PIEZO2: variants seen among roughly 807,000 people sequenced by gnomAD.
The protein encoded by PIEZO2 is piezo type mechanosensitive ion channel component 2.
Under a neutral mutation model 337.3 loss-of-function variants are expected in PIEZO2, and 172 were observed. The observed-to-expected ratio is 0.51, with a 90% CI of 0.45 to 0.58. The LOEUF is 0.58. Ranked by LOEUF, PIEZO2 falls within the 20% of genes least tolerant of loss-of-function variation. The pLI is 0.00. For missense variants in PIEZO2, 3,028 were observed against 3,391.3 expected, an observed-to-expected ratio of 0.89 and a Z score of 2.66; for synonymous variants, 1,251 against 1,228.5, an observed-to-expected ratio of 1.02 and a Z score of -0.38.
In PIEZO2 at chr18:10,681,645, A is replaced by G; in HGVS notation, c.7779+16T>C. ...TGAGAGGTCTTCACAGAAATCTACTATAGGGATTTACTTACGGTGTCCCTA... is the reference window on the plus strand; with the variant it reads ...TGAGAGGTCTTCACAGAAATCTACTGTAGGGATTTACTTACGGTGTCCCTA... On this transcript the variant is annotated intron_variant, in intron 51 of 55. Transcript: ENST00000674853. 1 of 1,543,478 alleles carries G rather than the reference A, an allele frequency of 6.5e-7. No homozygotes were observed. Among genetic ancestry groups the G allele is most frequent in the Non-Finnish European group, 9.0e-7 (1 of 1,116,060 alleles).
chr18:10,967,011 G>GCT (rs2034029466), intron 3 of PIEZO2, among the ~76,000 whole-genome samples: 1 of 109,392 alleles, frequency 9.1e-6, no homozygotes, highest in African/African-American at 3.6e-5. Flanking sequence ...CATTTTCTCT[G>GCT]TTTTTTGTTT....
chr18:11,117,416 A>G (rs1168771305), intron 1 of PIEZO2, among the ~76,000 whole-genome samples: 1 of 152,224 alleles, frequency 6.6e-6, no homozygotes, highest in Admixed American at 6.5e-5. Flanking sequence ...GGGACCCTCA[A>G]CATGACAGCT....
chr18:10,993,141 T>C lies in PIEZO2; in HGVS notation c.161-13481A>G, dbSNP rs2035173035. Among the ~76,000 whole-genome samples the C allele has an allele frequency of 6.6e-6, 1 of 152,220 alleles. No homozygotes were observed. The highest frequency in any genetic ancestry group is 2.1e-4 in the South Asian group (1 of 4,828). ...GATTTGGGGCTGAGACGATGGGGTT[T>C]TCTAAATATACGACCATGTCATCTG... On this transcript the variant is annotated intron_variant, in intron 2 of 55. Coordinates refer to ENST00000674853, the MANE Select transcript of PIEZO2 (RefSeq NM_001378183.1). The surrounding 1 kb of genome is among the most constrained non-coding windows in gnomAD (Gnocchi z 5.0).
Position 11,002,001 on chromosome 18 carries a change from ATCT to A in PIEZO2, c.161-22344_161-22342del, listed in dbSNP as rs921582632. Among the ~76,000 whole-genome samples the A allele has an allele frequency of 6.6e-6, 1 of 152,148 alleles. No homozygotes were observed. The highest frequency in any genetic ancestry group is 1.5e-5 in the Non-Finnish European group (1 of 68,026). The stretch of plus-strand genomic sequence containing the variant: ...CTTGCAGCAAAGTTGGAAATTCTAG[ATCT>A]TCTACCTGTAAGGGCCAGAGAGTAG... On this transcript the variant is annotated intron_variant, in intron 2 of 55. Transcript: ENST00000674853. This position sits in a 1 kb window ranked among gnomAD's most constrained non-coding sequence, Gnocchi z 4.3.
chr18:11,067,919 T>G (rs1029070506), intron 1 of PIEZO2, among the ~76,000 whole-genome samples: 5 of 152,148 alleles, frequency 3.3e-5, no homozygotes, highest in East Asian at 1.9e-4. Context: ...CACATTCTTT[T>G]TTTGTTTGTT....
rs112204225 is a variant in PIEZO2 at position 10,931,329 on chromosome 18, A to G, written c.287-20101T>C. On this transcript the variant is annotated intron_variant, in intron 3 of 55. Coordinates refer to ENST00000674853, the MANE Select transcript of PIEZO2 (RefSeq NM_001378183.1). ...ATTCTCCTGCCTCAGCCTCCCAAGTAGCTGGGACTACAGGCGCCTGCCACC... is the reference window on the plus strand; with the variant it reads ...ATTCTCCTGCCTCAGCCTCCCAAGTGGCTGGGACTACAGGCGCCTGCCACC... Among the ~76,000 whole-genome samples the G allele has an allele frequency of 2.0e-3, 301 of 152,198 alleles. 2 individuals carry two copies. The highest frequency in any genetic ancestry group is 7.1e-3 in the African/African-American group (293 of 41,538).
At chr18:10,728,871 T>C (rs945584362) in intron 36 of PIEZO2, among the ~76,000 whole-genome samples, 9 of 146,608 alleles carry the variant, frequency 6.1e-5, no homozygotes, top group African/African-American at 1.0e-4. Context: ...AGAAGAATGG[T>C]GTGAACCCGG....
intron 44 of PIEZO2, among the ~76,000 whole-genome samples, 194 bp downstream of exon 44, chr18:10,698,731 G>C (rs774975136): frequency 6.6e-6 from 1 of 152,104 alleles, no homozygotes; most frequent in African/African-American, 2.4e-5. Context: ...AAGGTGTTTT[G>C]GGTAATGGGG....
rs2040710104 is a variant in PIEZO2 at position 11,143,323 on chromosome 18, A to G, written c.64+5202T>C. ...GAATATTTATGCAAAAAAGCATATT[A>G]TACACATCATTACTACATAACTTCA... On this transcript the variant is annotated intron_variant, in intron 1 of 55. Transcript: ENST00000674853. This position sits in a 1 kb window ranked among gnomAD's most constrained non-coding sequence, Gnocchi z 4.9. Among the ~76,000 whole-genome samples, 1 of 152,256 alleles carries G rather than the reference A, an allele frequency of 6.6e-6. No homozygotes were observed. Among genetic ancestry groups the G allele is most frequent in the South Asian group, 2.1e-4 (1 of 4,832 alleles).
At chr18:11,040,395 G>A (rs1199586005) in intron 2 of PIEZO2, among the ~76,000 whole-genome samples, 1 of 152,104 alleles carries the variant, frequency 6.6e-6, no homozygotes, top group African/African-American at 2.4e-5. Context: ...TAAAGGTTGA[G>A]GAGGTAATGA....
chr18:10,794,886 C>T lies in PIEZO2; in HGVS notation c.1644G>A (p.Val548=). The T allele has an allele frequency of 6.5e-7, 1 of 1,538,864 alleles. No individual in the cohort carries two copies. The highest frequency in any genetic ancestry group is 1.2e-5 in the South Asian group (1 of 84,040). ...ATATCAACAATAGGTTTCCATAAAC[C>T]ACCATGAAGGGAGAGCTGATCATGG... is the stretch of plus-strand genomic sequence containing the variant. ...KYAMISSPFM[V]VYGNLLLILQ... The change falls in exon 13 of 56, where the codon GTG becomes GTA. Residue 548 remains valine, a synonymous_variant. Transcript: ENST00000674853. This position sits in a 1 kb window ranked among gnomAD's most constrained non-coding sequence, Gnocchi z 6.6.
chr18:10,876,942 C>T (rs1468570008), intron 4 of PIEZO2, among the ~76,000 whole-genome samples: 2 of 152,188 alleles, frequency 1.3e-5, no homozygotes, highest in Non-Finnish European at 2.9e-5. Context: ...CACCTCCATG[C>T]TGCATTTGAC....
chr18:10,682,775 T>TTGTATCATGTTGTTTGACACC lies in PIEZO2; in HGVS notation c.7498-484_7498-483insGGTGTCAAACAACATGATACA, dbSNP rs11283859. Reference sequence around the variant, plus strand: ...TTAATTTAATTCATGACACGTGTTGTTAAAGACAATGTTGTTCGACACCTA... The same window carrying TTGTATCATGTTGTTTGACACC: ...TTAATTTAATTCATGACACGTGTTGTTGTATCATGTTGTTTGACACCTAAAGACAATGTTGTTCGACACCTA... On this transcript the variant is annotated intron_variant, in intron 49 of 55. Coordinates refer to ENST00000674853, the MANE Select transcript of PIEZO2 (RefSeq NM_001378183.1). The surrounding 1 kb of genome is among the most constrained non-coding windows in gnomAD (Gnocchi z 5.6). Among the ~76,000 whole-genome samples the TTGTATCATGTTGTTTGACACC allele has an allele frequency of 1.3e-5, 2 of 151,948 alleles. No individual in the cohort carries two copies. Among genetic ancestry groups the TTGTATCATGTTGTTTGACACC allele is most frequent in the Non-Finnish European group, 2.9e-5 (2 of 67,970 alleles).
At position 10,807,151 on chromosome 18, in the gene PIEZO2, A is replaced by AGT; in HGVS notation, c.1039_1040dup (p.Ala349TrpfsTer4). Reference sequence around the variant, plus strand: ...GCCAGATGCGGATCAGAGTGGCCAGAGTGTAGTACATCACCAGCAGGAGGA... The same window carrying AGT: ...GCCAGATGCGGATCAGAGTGGCCAGAGTGTGTAGTACATCACCAGCAGGAGGA... On this transcript the variant is annotated frameshift_variant, in exon 8 of 56. Coordinates refer to ENST00000674853, the MANE Select transcript of PIEZO2 (RefSeq NM_001378183.1). LOFTEE classifies it high-confidence loss of function. 6.5e-7 allele frequency: 1 copy of AGT among 1,537,112 alleles called. No homozygotes were observed. Among genetic ancestry groups the AGT allele is most frequent in the Non-Finnish European group, 8.7e-7 (1 of 1,146,828 alleles).
intron 3 of PIEZO2, among the ~76,000 whole-genome samples, chr18:10,939,352 A>G (rs1366291729): frequency 6.9e-6 from 1 of 145,132 alleles, no homozygotes; most frequent in Non-Finnish European, 1.5e-5. Flanking sequence ...TGTGGAAGAC[A>G]GTGTGGCAAT....
rs1415304200 is a variant in PIEZO2 at position 10,969,308 on chromosome 18, A to G, written c.286+10227T>C. On this transcript the variant is annotated intron_variant, in intron 3 of 55. Coordinates refer to ENST00000674853, the MANE Select transcript of PIEZO2 (RefSeq NM_001378183.1). The surrounding 1 kb of genome is among the most constrained non-coding windows in gnomAD (Gnocchi z 4.5). ...AGGTTAGAGAATTTGTTATTTAAGCAAACCAAATCAATCCCAAATCATTTT... is the reference window on the plus strand; with the variant it reads ...AGGTTAGAGAATTTGTTATTTAAGCGAACCAAATCAATCCCAAATCATTTT... 6.6e-6 allele frequency among the ~76,000 whole-genome samples: 1 copy of G among 152,220 alleles called. No homozygotes were observed. Among genetic ancestry groups the G allele is most frequent in the Non-Finnish European group, 1.5e-5 (1 of 68,046 alleles).
At chr18:10,797,076 CCAT>C (rs760643023) in intron 12 of PIEZO2, among the ~76,000 whole-genome samples, 12 of 141,796 alleles carry the variant, frequency 8.5e-5, no homozygotes, top group African/African-American at 1.1e-4. Flanking sequence ...ATCATACATA[CCAT>C]CATATCTTAT....
At chr18:10,733,521 C>T (rs2036871854) in intron 35 of PIEZO2, among the ~76,000 whole-genome samples, 1 of 150,530 alleles carries the variant, frequency 6.6e-6, no homozygotes, top group South Asian at 2.1e-4. Flanking sequence ...GCCATCTCCG[C>T]TCACTGCAAG....
chr18:10,859,046 A>G lies in PIEZO2; in HGVS notation c.493-1835T>C, dbSNP rs902033692. Among the ~76,000 whole-genome samples the G allele has an allele frequency of 1.3e-5, 2 of 152,222 alleles. No homozygotes were observed. Among genetic ancestry groups the G allele is most frequent in the African/African-American group, 4.8e-5 (2 of 41,452 alleles). ...ATTAACCAGCTAAATATCTCACAGT[A>G]ATGAATGCCCCCTTCAGGGAGGTCG... On this transcript the variant is annotated intron_variant, in intron 5 of 55. Coordinates refer to ENST00000674853, the MANE Select transcript of PIEZO2 (RefSeq NM_001378183.1). This position sits in a 1 kb window ranked among gnomAD's most constrained non-coding sequence, Gnocchi z 4.9.
Sources: gnomAD v4.1 joint callset for allele counts (sites outside exome capture counted in the v4.1 genomes callset) on GRCh38, gnomAD v4.1.1 for gene constraint, Gnocchi (gnomAD v3.1) non-coding constraint, MANE v1.5 for transcripts, NCBI Gene and HGNC (gene_info 2026-07-23, HGNC 2026-07-21) for gene names.